CEP63: variants seen among roughly 807,000 people sequenced by gnomAD.
CEP63 encodes centrosomal protein 63.
A neutral mutation model predicts 89.1 loss-of-function variants in CEP63; 84 were observed. The ratio of observed to expected loss-of-function variants is 0.94; its 90% CI spans 0.79 to 1.13. The LOEUF is 1.13. CEP63 is among the 50% of genes most tolerant of loss of function. The pLI, the probability that CEP63 is intolerant of heterozygous loss-of-function variation, is 0.00. For synonymous variants in CEP63, 267 were observed against 272.5 expected (o/e 0.98, Z 0.20); for missense variants, 838 against 813.3 (o/e 1.03, Z -0.37).
chr3:134,577,913 G>C (rs1399401029), downstream of CEP63, among the ~76,000 whole-genome samples: 1 of 152,056 alleles, frequency 6.6e-6, no homozygotes, highest in African/African-American at 2.4e-5. Context: ...GAGGATGATG[G>C]CTTCTGGCTT....
chr3:134,626,571 C>G, the CEP63 span, among the ~76,000 whole-genome samples: 1 of 152,292 alleles, frequency 6.6e-6, no homozygotes, highest in African/African-American at 2.4e-5. Context: ...TTTGCCCACA[C>G]GTCGTCAGGG....
chr3:134,748,591 C>T, the CEP63 span, among the ~76,000 whole-genome samples: 5 of 152,272 alleles, frequency 3.3e-5, no homozygotes, highest in South Asian at 2.1e-4. Flanking sequence ...GCTATGAGAC[C>T]TCCAGGGGCC....
chr3:134,492,042 G>A (rs1171393547), intron 1 of CEP63, among the ~76,000 whole-genome samples: 2 of 147,810 alleles, frequency 1.4e-5, no homozygotes, highest in Non-Finnish European at 3.0e-5. Flanking sequence ...TCAAAGATTT[G>A]CCTATTATAA....
chr3:134,487,099 AATAAAG>A (rs1935817249), intron 1 of CEP63, among the ~76,000 whole-genome samples: 1 of 152,246 alleles, frequency 6.6e-6, no homozygotes, highest in East Asian at 1.9e-4. Flanking sequence ...TTATTATTTT[AATAAAG>A]CAGTATTGTA....
rs1957478770 is a variant in CEP63, at chr3:134,562,978, A to G, written c.*1443A>G. 6.6e-6 allele frequency: 1 copy of G among 152,026 alleles called. No homozygotes were observed. Among genetic ancestry groups the G allele is most frequent in the South Asian group, 2.1e-4 (1 of 4,824 alleles). 9.4% of individuals were successfully genotyped at this position (152,026 alleles called of 1,614,324 possible). A position where few individuals can be genotyped will look rare whatever the true frequency, so the allele number is the denominator to read the frequency against. On this transcript the variant is annotated 3_prime_UTR_variant, in exon 15 of 15. Coordinates refer to ENST00000675561, the MANE Select transcript of CEP63 (RefSeq NM_001353108.3). ...CTATAGGCCAGTGACCCTTACATTT[A>G]TTACTAATCTTGACCTCTCCCCAGA...
the CEP63 span, among the ~76,000 whole-genome samples, chr3:134,662,504 C>G: frequency 2.0e-5 from 3 of 152,186 alleles, no homozygotes; most frequent in Non-Finnish European, 4.4e-5. Context: ...TGGATGCCCA[C>G]TCTATGCTGG....
At chr3:134,510,013 T>C (rs866524947) in intron 3 of CEP63, among the ~76,000 whole-genome samples, 4 of 152,306 alleles carry the variant, frequency 2.6e-5, no homozygotes, top group African/African-American at 9.6e-5. Context: ...AAAACAAATA[T>C]TGTTTTGAAT....
chr3:134,620,948 C>G, the CEP63 span: 754 of 769,840 alleles, frequency 9.8e-4, 3 homozygotes, highest in African/African-American at 0.011. Flanking sequence ...TGCTGCTCTT[C>G]CTCCAGGCAG....
chr3:134,512,039 C>T (rs895933261), intron 3 of CEP63, among the ~76,000 whole-genome samples: 16 of 152,358 alleles, frequency 1.1e-4, no homozygotes, highest in African/African-American at 3.8e-4. Flanking sequence ...CAAAACCCCT[C>T]ATCTTTCATA....
chr3:134,652,124 G>A, the CEP63 span, among the ~76,000 whole-genome samples: 2 of 152,098 alleles, frequency 1.3e-5, no homozygotes, highest in African/African-American at 4.8e-5. Flanking sequence ...CTTCCTGGCT[G>A]TGTGACCTTG....
the CEP63 span, among the ~76,000 whole-genome samples, chr3:134,718,055 C>A: frequency 6.6e-6 from 1 of 152,182 alleles, no homozygotes; most frequent in Non-Finnish European, 1.5e-5. Flanking sequence ...GTGGTTTGGG[C>A]AGGGCTGATC....
At chr3:134,500,567 T>C (rs1224080290) in intron 2 of CEP63, among the ~76,000 whole-genome samples, 1 of 152,168 alleles carries the variant, frequency 6.6e-6, no homozygotes, top group Non-Finnish European at 1.5e-5. Flanking sequence ...CCACCAACGG[T>C]GTTGCCTTTT....
At chr3:134,690,883 G>A in the CEP63 span, among the ~76,000 whole-genome samples, 1 of 151,772 alleles carries the variant, frequency 6.6e-6, no homozygotes, top group African/African-American at 2.4e-5. Flanking sequence ...CAAGTAGCTG[G>A]GATTACAGGC....
At chr3:134,727,910 A>T in the CEP63 span, among the ~76,000 whole-genome samples, 3 of 152,186 alleles carry the variant, frequency 2.0e-5, no homozygotes, top group African/African-American at 7.2e-5. Context: ...TCTATGCTGT[A>T]AATCTTCCCT....
At chr3:134,560,306 C>T (rs1364725626) in intron 14 of CEP63, among the ~76,000 whole-genome samples, 3 of 152,206 alleles carry the variant, frequency 2.0e-5, no homozygotes, top group Non-Finnish European at 4.4e-5. Flanking sequence ...AGTTGATCCT[C>T]ATTATTCACA....
the CEP63 span, among the ~76,000 whole-genome samples, chr3:134,743,012 A>G: frequency 9.9e-3 from 1,514 of 152,334 alleles, 16 homozygotes; most frequent in African/African-American, 0.034. Context: ...TCCTAGAACA[A>G]GATGTTCTAG....
chr3:134,760,581 T>C, the CEP63 span, among the ~76,000 whole-genome samples: 3 of 152,198 alleles, frequency 2.0e-5, no homozygotes, highest in Non-Finnish European at 2.9e-5. Context: ...TACCATTTAT[T>C]GAGCAATTCC....
the CEP63 span, among the ~76,000 whole-genome samples, chr3:134,648,678 C>A: frequency 2.6e-5 from 4 of 152,174 alleles, no homozygotes; most frequent in African/African-American, 9.7e-5. Context: ...AGCCTGTCCA[C>A]ACTCTCCTTG....
chr3:134,560,521 A>G (rs868365675), intron 14 of CEP63, among the ~76,000 whole-genome samples: 17 of 152,312 alleles, frequency 1.1e-4, no homozygotes, highest in African/African-American at 4.1e-4. Context: ...CATAGGGTGG[A>G]GATGGACGGG....
Sources: gnomAD v4.1 joint callset for allele counts (sites outside exome capture counted in the v4.1 genomes callset) on GRCh38, gnomAD v4.1.1 for gene constraint, MANE v1.5 for transcripts, NCBI Gene and HGNC (gene_info 2026-07-23, HGNC 2026-07-21) for gene names.